RABGAP1L: variants seen among roughly 807,000 people sequenced by gnomAD.
RABGAP1L encodes the protein RAB GTPase activating protein 1 like, also known as rab GTPase-activating protein 1-like.
RABGAP1L carries 63 observed loss-of-function variants against 137.7 expected under a neutral mutation model. That is an observed-to-expected ratio of 0.46 (90% confidence interval 0.37 to 0.56). The LOEUF (loss-of-function observed/expected upper bound fraction) is 0.56, where lower values mean the gene tolerates loss of function less well. Ranked by LOEUF, RABGAP1L falls within the 20% of genes least tolerant of loss-of-function variation. The probability of loss-of-function intolerance (pLI) is 0.00; values close to 1 mark genes in which losing one functional copy is unlikely to be tolerated. For synonymous variants in RABGAP1L, 431 were observed against 433.7 expected, an observed-to-expected ratio of 0.99 and a Z score of 0.08; for missense variants, 1,095 against 1,244.0, an observed-to-expected ratio of 0.88 and a Z score of 1.80.
chr1:174,654,781 T>C (rs531583024), intron 14 of RABGAP1L, among the ~76,000 whole-genome samples: 2 of 152,196 alleles, frequency 1.3e-5, no homozygotes, highest in Non-Finnish European at 2.9e-5. Flanking sequence ...CCAGCTATGT[T>C]AGATAAGAAA....
intron 17 of RABGAP1L, among the ~76,000 whole-genome samples, chr1:174,725,179 C>A (rs999350525): frequency 6.6e-6 from 1 of 152,128 alleles, no homozygotes; most frequent in African/African-American, 2.4e-5. Context: ...ATAAGGAGAC[C>A]AGGGAAACCA....
rs537332979 is a variant in RABGAP1L at position 174,954,142 on chromosome 1, A to G, written c.2341-3315A>G. 6 of 152,200 alleles carry G rather than the reference A, an allele frequency of 3.9e-5. No individual in the cohort carries two copies. The East Asian group carries it at 9.7e-4, about 25-fold the overall frequency. 9.4% of individuals were successfully genotyped at this position (152,200 alleles called of 1,614,324 possible). On this transcript the variant is annotated intron_variant, in intron 19 of 25. Coordinates refer to ENST00000681986, the MANE Select transcript of RABGAP1L (RefSeq NM_001366446.1). ...AAGATGGTTTAAAAACTGAAAATCT[A>G]TTTTCTTTGATTACCTCATAAATAA...
intron 13 of RABGAP1L, among the ~76,000 whole-genome samples, chr1:174,513,337 G>C (rs530951411): frequency 1.3e-5 from 2 of 152,014 alleles, no homozygotes; most frequent in African/African-American, 4.8e-5. Flanking sequence ...AGTAGCTCAC[G>C]CCTGTAATTT....
At chr1:174,178,373 G>C (rs1308053046) in intron 1 of RABGAP1L, among the ~76,000 whole-genome samples, 1 of 152,124 alleles carries the variant, frequency 6.6e-6, no homozygotes, top group East Asian at 1.9e-4. Flanking sequence ...TTTGGGCTGA[G>C]ATGGGTGGTG....
chr1:174,707,362 A>G (rs1033248595), intron 17 of RABGAP1L, among the ~76,000 whole-genome samples: 12 of 152,218 alleles, frequency 7.9e-5, no homozygotes, highest in African/African-American at 2.9e-4. Context: ...ATACAGGCAG[A>G]TTGAAAGCTA....
intron 17 of RABGAP1L, among the ~76,000 whole-genome samples, chr1:174,732,871 A>G (rs997486224): frequency 2.0e-5 from 3 of 152,170 alleles, no homozygotes; most frequent in Non-Finnish European, 2.9e-5. Context: ...CTGTTTAGTG[A>G]TATTTCATGG....
At chr1:174,858,362 A>AT (rs1230580967) in intron 19 of RABGAP1L, among the ~76,000 whole-genome samples, 9 of 152,084 alleles carry the variant, frequency 5.9e-5, no homozygotes. Context: ...ACAGGGAGTG[A>AT]TTTTGCCTTG....
chr1:174,897,853 T>TA (rs1158773764), intron 19 of RABGAP1L: 1 of 151,632 alleles, frequency 6.6e-6, no homozygotes, highest in Non-Finnish European at 1.5e-5. Context: ...TGGTTGCAGG[T>TA]GCCTGTAATC....
At chr1:174,590,375 G>C (rs1295547098) in intron 13 of RABGAP1L, among the ~76,000 whole-genome samples, 3 of 109,672 alleles carry the variant, frequency 2.7e-5, no homozygotes, top group African/African-American at 1.1e-4. Context: ...TATACTCTAA[G>C]TTTTAGGGTA....
At chr1:174,573,816 AAAGT>A (rs1668170971) in intron 13 of RABGAP1L, among the ~76,000 whole-genome samples, 1 of 152,344 alleles carries the variant, frequency 6.6e-6, no homozygotes, top group East Asian at 1.9e-4. Context: ...TATTTAGAAA[AAAGT>A]AAAACCAAAC....
At chr1:174,383,865 C>G (rs1686470070) in intron 12 of RABGAP1L, among the ~76,000 whole-genome samples, 1 of 152,146 alleles carries the variant, frequency 6.6e-6, no homozygotes, top group African/African-American at 2.4e-5. Flanking sequence ...ATGGTGTAGC[C>G]ATTTTGGAAA....
intron 13 of RABGAP1L, among the ~76,000 whole-genome samples, chr1:174,458,179 A>G (rs888633961): frequency 5.3e-5 from 8 of 152,092 alleles, no homozygotes; most frequent in Non-Finnish European, 1.0e-4. Flanking sequence ...TGTAGATACA[A>G]TTTTACTGGA....
chr1:174,528,208 C>G (rs2147875331), intron 13 of RABGAP1L, among the ~76,000 whole-genome samples: 1 of 151,732 alleles, frequency 6.6e-6, no homozygotes, highest in East Asian at 1.9e-4. Context: ...TGGTTCTTTT[C>G]TATATTTTTT....
At chr1:174,689,290 G>T (rs1220292425) in intron 15 of RABGAP1L, among the ~76,000 whole-genome samples, 4 of 151,720 alleles carry the variant, frequency 2.6e-5, no homozygotes, top group African/African-American at 9.7e-5. Flanking sequence ...CAGAGTCCAA[G>T]GTGACAAGAT....
At chr1:174,652,334 G>C (rs1675585382) in intron 14 of RABGAP1L, among the ~76,000 whole-genome samples, 1 of 152,090 alleles carries the variant, frequency 6.6e-6, no homozygotes, top group Non-Finnish European at 1.5e-5. Context: ...ATCCAGTTTT[G>C]TTCCCTTGCT....
chr1:174,588,254 CTG>C (rs2148117598), intron 13 of RABGAP1L, among the ~76,000 whole-genome samples: 1 of 152,076 alleles, frequency 6.6e-6, no homozygotes, highest in East Asian at 1.9e-4. Flanking sequence ...GCCTCCGCCT[CTG>C]GGGTTCAAGT....
chr1:174,590,341 T>A (rs1324035432), intron 13 of RABGAP1L, among the ~76,000 whole-genome samples: 12 of 136,136 alleles, frequency 8.8e-5, no homozygotes, highest in African/African-American at 3.2e-4. Flanking sequence ...TTTTTCTTTT[T>A]TTTTTTATTT....
In RABGAP1L at chr1:174,241,368, A is replaced by G. The variant is rs1173786528; in HGVS notation, c.543-115A>G. 4.7e-6 allele frequency: 3 copies of G among 642,892 alleles called. No individual in the cohort carries two copies. The African/African-American group carries it at 5.6e-5, about 12-fold the overall frequency. 39.8% of individuals were successfully genotyped at this position (642,892 alleles called of 1,614,324 possible). ...AAGATAGTTATTTTATATATCATATATTGTCATAGTAAAACTATTTGTTCT... is the reference window on the plus strand; with the variant it reads ...AAGATAGTTATTTTATATATCATATGTTGTCATAGTAAAACTATTTGTTCT... On this transcript the variant is annotated intron_variant, in intron 4 of 25. Coordinates refer to ENST00000681986, the MANE Select transcript of RABGAP1L (RefSeq NM_001366446.1).
chr1:174,740,795 T>C (rs2148649839), intron 17 of RABGAP1L, among the ~76,000 whole-genome samples: 1 of 152,294 alleles, frequency 6.6e-6, no homozygotes, highest in Non-Finnish European at 1.5e-5. Flanking sequence ...ATTGTGGTTT[T>C]GATTTGCATT....
Sources: gnomAD v4.1 joint callset for allele counts (sites outside exome capture counted in the v4.1 genomes callset) on GRCh38, gnomAD v4.1.1 for gene constraint, MANE v1.5 for transcripts, NCBI Gene and HGNC (gene_info 2026-07-23, HGNC 2026-07-21) for gene names.